ISCU: variants seen among roughly 807,000 people sequenced by gnomAD.
The protein encoded by ISCU is iron-sulfur cluster assembly enzyme ISCU.
ISCU carries 13 observed loss-of-function variants against 18.4 expected under a neutral mutation model. The observed-to-expected ratio is 0.71, with a 90% CI of 0.46 to 1.12. The LOEUF (loss-of-function observed/expected upper bound fraction) is 1.12, where lower values mean the gene tolerates loss of function less well. ISCU is among the 50% of genes most tolerant of loss of function. The pLI is 0.00. For missense variants in ISCU, 229 were observed against 208.7 expected, an observed-to-expected ratio of 1.10 and a Z score of -0.60; for synonymous variants, 104 against 87.5, an observed-to-expected ratio of 1.19 and a Z score of -1.06.
chr12:108,569,083 C>G lies in ISCU; in HGVS notation c.*167C>G. On this transcript the variant is annotated 3_prime_UTR_variant, in exon 5 of 5. Transcript: ENST00000311893. ...CTCATGCAAGCAAAATACACAGTTT[C>G]ATTGTTCTGAATCCTGTGGTTTCTT... 1 of 660,256 alleles carries G rather than the reference C, an allele frequency of 1.5e-6. No individual in the cohort carries two copies. The highest frequency in any genetic ancestry group is 2.5e-5 in the Admixed American group (1 of 40,772). The allele number at this position is 660,256 out of a possible 1,614,324, so 40.9% of individuals were successfully genotyped here. A position where few individuals can be genotyped will look rare whatever the true frequency, so the allele number is the denominator to read the frequency against.
Position 108,569,203 on chromosome 12 carries a change from G to T in ISCU, c.*287G>T, listed in dbSNP as rs1285849093. Reference sequence around the variant, plus strand: ...AATTGATAATGAAGTTGCAAGTTTTGATAGCCCGTGAAGTGCATAAGTATC... The same window carrying T: ...AATTGATAATGAAGTTGCAAGTTTTTATAGCCCGTGAAGTGCATAAGTATC... On this transcript the variant is annotated 3_prime_UTR_variant, in exon 5 of 5. Coordinates refer to ENST00000311893, the MANE Select transcript of ISCU (RefSeq NM_213595.4). The T allele has an allele frequency of 4.5e-6, 2 of 440,720 alleles. No homozygotes were observed. Among genetic ancestry groups the T allele is most frequent in the Non-Finnish European group, 8.4e-6 (2 of 238,274 alleles). 27.3% of individuals were successfully genotyped at this position (440,720 alleles called of 1,614,324 possible).
intron 4 of ISCU, 152 bp from the exon 5 acceptor site, chr12:108,568,679 C>T (rs375210137): frequency 9.4e-6 from 14 of 1,487,210 alleles, no homozygotes; most frequent in African/African-American, 2.8e-5. Flanking sequence ...CAGCTGCTGA[C>T]GTGCCCAGCA....
rs60547936 is a variant in ISCU at position 108,562,750 on chromosome 12, A to AG, written c.114+17dup. The stretch of plus-strand genomic sequence containing the variant: ...TATCACAAGAAGGTAGGGACAAAAG[A>AG]GGGACGCGCGGAATGCCGACTCAGC... On this transcript the variant is annotated intron_variant, in intron 1 of 4. Transcript: ENST00000311893. 1,378,614 of 1,378,670 alleles carry AG rather than the reference A, an allele frequency of 1. 689,279 individuals are homozygous for AG. Among genetic ancestry groups the AG allele is most frequent in the Non-Finnish European group, 1 (1,058,270 of 1,058,300 alleles). The allele number at this position is 1,378,670 out of a possible 1,614,324, so 85.4% of individuals were successfully genotyped here.
intron 4 of ISCU, chr12:108,568,118 T>G: frequency 5.8e-6 from 8 of 1,374,382 alleles, no homozygotes. Flanking sequence ...ATCTGGAATT[T>G]TAAGTACCCA....
chr12:108,565,428 G>C lies in ISCU; in HGVS notation c.336G>C (p.Lys112Asn), dbSNP rs777792833. The C allele has an allele frequency of 6.2e-7, 1 of 1,602,254 alleles. No homozygotes were observed. The highest frequency in any genetic ancestry group is 8.6e-7 in the Non-Finnish European group (1 of 1,169,126). ...TAGCCACTGAATGGGTGAAAGGAAA[G>C]ACGGTAAGGTGGCTCACAAATCTAA... ...SSLATEWVKG[K>N]TVEEALTIKN... Residue 112 changes from lysine to asparagine, a missense_variant, in exon 3 of 5, where the codon AAG becomes AAC. Coordinates refer to ENST00000311893, the MANE Select transcript of ISCU (RefSeq NM_213595.4).
At chr12:108,568,649 G>T in intron 4 of ISCU, 182 bp from the exon 5 acceptor site, 1 of 1,455,872 alleles carries the variant, frequency 6.9e-7, no homozygotes, top group Non-Finnish European at 9.0e-7. Context: ...TCACCCGCAG[G>T]AGTAACTCAG....
At chr12:108,566,581 A>T (rs536941061) in intron 3 of ISCU, among the ~76,000 whole-genome samples, 64 of 152,358 alleles carry the variant, frequency 4.2e-4, no homozygotes, top group African/African-American at 1.4e-3. Flanking sequence ...ACTGTTCTAC[A>T]TGGGCAAGGA....
chr12:108,567,898 C>T (rs1465912178), intron 4 of ISCU: 7 of 1,420,098 alleles, frequency 4.9e-6, no homozygotes, highest in South Asian at 4.9e-5. Flanking sequence ...ATGCTTTTTC[C>T]ATCATTTCTT....
At position 108,568,934 on chromosome 12, in the gene ISCU, C is replaced by G; in HGVS notation, c.*18C>G. ...AGAAATGAGCCCTCCCTCGGCGAAG[C>G]CTCCAGCAGGCCACACCAGCTGTTT... On this transcript the variant is annotated 3_prime_UTR_variant, in exon 5 of 5. Transcript: ENST00000311893. The G allele has an allele frequency of 1.9e-6, 3 of 1,599,548 alleles. No homozygotes were observed. Among genetic ancestry groups the G allele is most frequent in the Non-Finnish European group, 2.6e-6 (3 of 1,171,726 alleles).
rs2030842425 is a variant in ISCU, at chr12:108,565,373, G to T, written c.281G>T (p.Gly94Val). 1 of 1,614,174 alleles carries T rather than the reference G, an allele frequency of 6.2e-7. No individual in the cohort carries two copies. Among genetic ancestry groups the T allele is most frequent in the Non-Finnish European group, 8.5e-7 (1 of 1,180,020 alleles). ...KIVDARFKTF[G>V]CGSAIASSSL... ...GTGGATGCTAGGTTTAAAACATTTG[G>T]CTGTGGTTCCGCAATTGCCTCCAGC... Residue 94 changes from glycine to valine, a missense_variant, in exon 3 of 5, where the codon GGC (glycine) becomes GTC (valine). Transcript: ENST00000311893.
intron 2 of ISCU, 139 bp from the exon 3 acceptor site, chr12:108,565,182 A>G (rs2030831244): frequency 1.4e-6 from 1 of 699,896 alleles, no homozygotes; most frequent in Non-Finnish European, 2.6e-6. Flanking sequence ...GAAACAAGGC[A>G]AAGTCAGTAA....
chr12:108,562,593 T>C, upstream of ISCU: 3 of 1,320,728 alleles, frequency 2.3e-6, no homozygotes, highest in South Asian at 1.7e-5. Context: ...TCGGCGTCGC[T>C]CTGGACTGGC....
At chr12:108,565,295 C>T in intron 2 of ISCU, 26 bp from the exon 3 acceptor site, 1 of 1,567,708 alleles carries the variant, frequency 6.4e-7, no homozygotes, top group Middle Eastern at 1.7e-4. Flanking sequence ...CCAGGACTCA[C>T]CACTTAACTC....
chr12:108,566,705 G>T (rs1048104395), intron 3 of ISCU, among the ~76,000 whole-genome samples: 4 of 152,184 alleles, frequency 2.6e-5, no homozygotes, highest in African/African-American at 9.7e-5. Flanking sequence ...AGAGCATTCG[G>T]CCTGACTCGG....
At chr12:108,562,416 C>T (rs955909808), upstream of ISCU, among the ~76,000 whole-genome samples, 1 of 152,282 alleles carries the variant, frequency 6.6e-6, no homozygotes, top group African/African-American at 2.4e-5. Flanking sequence ...CCTCCAGCGA[C>T]TTCAGACCTT....
intron 3 of ISCU, among the ~76,000 whole-genome samples, chr12:108,565,668 A>G (rs2030864042): frequency 6.6e-6 from 1 of 152,184 alleles, no homozygotes. Context: ...CTGTCCCTCT[A>G]ACAAAATAGA....
chr12:108,567,766 C>G (rs1458658328), intron 4 of ISCU: 6 of 1,535,564 alleles, frequency 3.9e-6, no homozygotes, highest in Non-Finnish European at 5.2e-6. Flanking sequence ...GGGTCTGCAT[C>G]TGTATATATG....
chr12:108,564,031 A>G, intron 1 of ISCU: 1 of 1,429,778 alleles, frequency 7.0e-7, no homozygotes, highest in Non-Finnish European at 9.9e-7. Flanking sequence ...GAACTAAGAC[A>G]TGATTTCACT....
rs780002455 is a variant in ISCU at position 108,568,875 on chromosome 12, T to C, written c.463T>C (p.Leu155=). Residue 155 remains leucine, a synonymous_variant, in exon 5 of 5, where the codon TTG becomes CTG. Transcript: ENST00000311893. The part of the protein sequence containing the change: ...AIKAALADYK[L]KQEPKKGEAE... The stretch of plus-strand genomic sequence containing the variant: ...CAAGGCCGCCCTGGCTGATTACAAA[T>C]TGAAACAAGAACCCAAAAAAGGAGA... The C allele has an allele frequency of 1.2e-5, 20 of 1,613,620 alleles. No individual in the cohort carries two copies. The highest frequency in any genetic ancestry group is 1.2e-4 in the South Asian group (11 of 90,862).
Sources: allele counts gnomAD v4.1 joint callset (sites outside exome capture counted in the v4.1 genomes callset), GRCh38; gene constraint gnomAD v4.1.1; transcripts MANE v1.5; gene names NCBI Gene and HGNC (gene_info 2026-07-23, HGNC 2026-07-21).